The following LINGO1 variants were observed in gnomAD, a reference collection of about 807,000 sequenced individuals.
LINGO1 encodes the protein leucine rich repeat and Ig domain containing 1.
LINGO1 carries 11 observed loss-of-function variants against 37.3 expected under a neutral mutation model. The observed-to-expected ratio is 0.29, with a 90% CI of 0.19 to 0.49. LINGO1 has a LOEUF of 0.49. Among genes scored for constraint, LINGO1 ranks in the 20% least tolerant of loss-of-function variants. The pLI is 0.99. For synonymous variants in LINGO1, 387 were observed against 403.0 expected (o/e 0.96, Z 0.48); for missense variants, 585 against 878.2 (o/e 0.67, Z 4.22).
At chr15:77,738,329 G>A (rs1209568500) in intron 1 of LINGO1, among the ~76,000 whole-genome samples, 1 of 152,156 alleles carries the variant, frequency 6.6e-6, no homozygotes, top group Non-Finnish European at 1.5e-5. Context: ...ACAGACTGAA[G>A]TCCAAACTCT....
rs545588530 is a variant in LINGO1, at chr15:77,701,980, G to A, written c.-194-11079C>T. Among the ~76,000 whole-genome samples the A allele has an allele frequency of 4.6e-5, 7 of 152,336 alleles. No homozygotes were observed. The South Asian group carries it at 1.2e-3, about 27-fold the overall frequency. ...GTTTAAGAGAGATGAAGGCCCAGCT[G>A]AGAGCTAGGACCCAAGCCACCTGGG... On this transcript the variant is annotated intron_variant, in intron 2 of 3. Coordinates refer to the LINGO1 transcript ENST00000561686.
At chr15:77,778,574 C>A (rs2076684519) in intron 1 of LINGO1, among the ~76,000 whole-genome samples, 1 of 152,314 alleles carries the variant, frequency 6.6e-6, no homozygotes, top group East Asian at 1.9e-4. Flanking sequence ...TCCAGCTGCC[C>A]AAGCCAAAAA....
chr15:77,792,354 C>T (rs2076825076), intron 2 of LINGO1, among the ~76,000 whole-genome samples: 2 of 152,226 alleles, frequency 1.3e-5, no homozygotes, highest in South Asian at 4.1e-4. Flanking sequence ...CACTGGCCTG[C>T]CAGCTTCTAC....
chr15:77,665,808 C>T (rs1039155072), intron 3 of LINGO1, among the ~76,000 whole-genome samples: 1 of 152,202 alleles, frequency 6.6e-6, no homozygotes, highest in African/African-American at 2.4e-5. Flanking sequence ...CAGGCAGTTC[C>T]CTCTGCCTGT....
chr15:77,777,008 A>G (rs148700905), intron 1 of LINGO1, among the ~76,000 whole-genome samples: 1,955 of 152,280 alleles, frequency 0.013, 42 homozygotes, highest in African/African-American at 0.045. Flanking sequence ...CAGCCTGGCC[A>G]GGTGGGGTAT....
intron 1 of LINGO1, among the ~76,000 whole-genome samples, chr15:77,764,814 G>A (rs1301343488): frequency 1.3e-5 from 2 of 152,170 alleles, no homozygotes; most frequent in Non-Finnish European, 2.9e-5. Flanking sequence ...TCCACTCCAA[G>A]AGTCTCCCAC....
intron 1 of LINGO1, chr15:77,784,794 G>C (rs1567583237): frequency 6.6e-6 from 1 of 152,160 alleles, no homozygotes; most frequent in Non-Finnish European, 1.5e-5. Flanking sequence ...AGACCCCAGG[G>C]AGAAGGGATC....
At chr15:77,818,956 C>T (rs998546426) in intron 1 of LINGO1, among the ~76,000 whole-genome samples, 1 of 151,860 alleles carries the variant, frequency 6.6e-6, no homozygotes, top group Non-Finnish European at 1.5e-5. Flanking sequence ...CTCAAAGCGC[C>T]TCCGTCCCCA....
intron 1 of LINGO1, among the ~76,000 whole-genome samples, chr15:77,770,451 G>A (rs1385450322): frequency 6.6e-6 from 1 of 152,112 alleles, no homozygotes; most frequent in East Asian, 1.9e-4. Flanking sequence ...GTCAGGCGAG[G>A]TGGTGCATGC....
chr15:77,708,737 A>G (rs2075882938), intron 2 of LINGO1, among the ~76,000 whole-genome samples: 1 of 152,144 alleles, frequency 6.6e-6, no homozygotes, highest in Non-Finnish European at 1.5e-5. Context: ...ACATGGTGAA[A>G]CCGTCTCCAA....
chr15:77,725,516 T>C (rs551685828), intron 2 of LINGO1, among the ~76,000 whole-genome samples: 4 of 152,252 alleles, frequency 2.6e-5, no homozygotes, highest in Middle Eastern at 3.4e-3. Flanking sequence ...TGAGCTATGA[T>C]CACACCACTG....
rs72746406 is a variant in LINGO1, at chr15:77,690,212, A to G, written c.-99+508T>C. Among the ~76,000 whole-genome samples, 743 of 152,292 alleles carry G rather than the reference A, an allele frequency of 4.9e-3. 4 individuals carry two copies. The highest frequency in any genetic ancestry group is 0.01 in the Middle Eastern group (3 of 294). ...TGGGGAAGGACAGACCCTGACCCCC[A>G]GCCCATCAGTGTTTCTAAGTCCTGT... is the stretch of plus-strand genomic sequence containing the variant. On this transcript the variant is annotated intron_variant, in intron 2 of 3. Coordinates refer to the LINGO1 transcript ENST00000559893.
At chr15:77,697,724 G>A (rs965493598), upstream of LINGO1, among the ~76,000 whole-genome samples, 15 of 152,208 alleles carry the variant, frequency 9.9e-5, no homozygotes, top group Non-Finnish European at 2.1e-4. Context: ...GAGCCTGAGG[G>A]GCTGTGGAAA....
chr15:77,819,756 C>G (rs1337507108), intron 1 of LINGO1, among the ~76,000 whole-genome samples: 3 of 151,114 alleles, frequency 2.0e-5, no homozygotes, highest in Non-Finnish European at 4.4e-5. Context: ...CGCGGGCGGC[C>G]CGGCTCCCGC....
Position 77,614,947 on chromosome 15 carries a change from G to C in LINGO1, c.960C>G (p.Gly320=). Residue 320 remains glycine, a synonymous_variant, in exon 2 of 2, where the codon GGC becomes GGG. Coordinates refer to ENST00000355300, the MANE Select transcript of LINGO1 (RefSeq NM_032808.7). ...LLRLQEIQLV[G]GQLAVVEPYA... ...AGGGCTCCACCACGGCCAGCTGCCC[G>C]CCCACCAGCTGGATCTCCTGCAGCC... The C allele has an allele frequency of 1.2e-6, 2 of 1,613,886 alleles. No individual in the cohort carries two copies. Among genetic ancestry groups the C allele is most frequent in the South Asian group, 1.1e-5 (1 of 91,058 alleles).
chr15:77,818,658 C>A (rs73457784), intron 1 of LINGO1, among the ~76,000 whole-genome samples: 2,509 of 152,272 alleles, frequency 0.016, 54 homozygotes, highest in African/African-American at 0.052. Flanking sequence ...GCCGCACTCC[C>A]CCAACTGAAC....
upstream of LINGO1, among the ~76,000 whole-genome samples, chr15:77,698,923 T>TA (rs1395670399): frequency 6.6e-6 from 1 of 152,126 alleles, no homozygotes. Flanking sequence ...TGGACTGCCC[T>TA]AGTGGGTGCC....
At chr15:77,715,617 A>G (rs2075974413) in intron 2 of LINGO1, among the ~76,000 whole-genome samples, 1 of 152,256 alleles carries the variant, frequency 6.6e-6, no homozygotes. Flanking sequence ...TGCAGTTTCC[A>G]CAAAGAAATA....
chr15:77,716,234 C>T (rs1265951326), intron 2 of LINGO1, among the ~76,000 whole-genome samples: 1 of 150,194 alleles, frequency 6.7e-6, no homozygotes. Context: ...CTTCTCAATA[C>T]AGACACTGCT....
Sources: gnomAD v4.1 joint callset for allele counts (sites outside exome capture counted in the v4.1 genomes callset) on GRCh38, gnomAD v4.1.1 for gene constraint, MANE v1.5 for transcripts, NCBI Gene and HGNC (gene_info 2026-07-23, HGNC 2026-07-21) for gene names.